The following NFIA variants were observed in gnomAD, a reference collection of about 807,000 sequenced individuals.
NFIA encodes the protein nuclear factor 1 A-type.
A neutral mutation model predicts 62.8 loss-of-function variants in NFIA; 8 were observed. The observed-to-expected ratio is 0.13, with a 90% CI of 0.07 to 0.23. The LOEUF (loss-of-function observed/expected upper bound fraction) is 0.23, where lower values mean the gene tolerates loss of function less well. NFIA is among the 10% of genes least tolerant of loss of function. The probability of loss-of-function intolerance (pLI) is 1.00; values close to 1 mark genes in which losing one functional copy is unlikely to be tolerated. For missense variants in NFIA, 410 were observed against 642.1 expected (o/e 0.64, Z 3.91); for synonymous variants, 235 against 238.1 (o/e 0.99, Z 0.12).
At chr1:61,255,841 G>A (rs558727529) in intron 2 of NFIA, among the ~76,000 whole-genome samples, 1 of 152,160 alleles carries the variant, frequency 6.6e-6, no homozygotes, top group East Asian at 1.9e-4. Flanking sequence ...TGAAAACTTC[G>A]GTACTTTGTT....
intron 6 of NFIA, among the ~76,000 whole-genome samples, chr1:61,371,734 C>A (rs977404282): frequency 2.6e-5 from 4 of 152,044 alleles, no homozygotes; most frequent in Non-Finnish European, 5.9e-5. Flanking sequence ...TGGCAATTGT[C>A]ATTTGAGAGT....
intron 6 of NFIA, among the ~76,000 whole-genome samples, chr1:61,378,978 G>C (rs1382685333): frequency 6.6e-6 from 1 of 152,188 alleles, no homozygotes; most frequent in Non-Finnish European, 1.5e-5. Context: ...CCCTGATTAG[G>C]TCAGGCCCTC....
chr1:61,287,133 A>G (rs1174715197), intron 3 of NFIA, among the ~76,000 whole-genome samples: 1 of 152,136 alleles, frequency 6.6e-6, no homozygotes, highest in Non-Finnish European at 1.5e-5. Flanking sequence ...GGTACAGTAG[A>G]TATGTCCTGA....
At chr1:61,129,059 A>G (rs879784367) in intron 2 of NFIA, among the ~76,000 whole-genome samples, 8 of 149,630 alleles carry the variant, frequency 5.3e-5, no homozygotes, top group Non-Finnish European at 3.0e-5. Flanking sequence ...AGTAGCTGGG[A>G]CTACAGACGC....
At chr1:61,426,414 G>A in intron 9 of NFIA, 51 bp from the exon 10 acceptor site, 1 of 1,219,394 alleles carries the variant, frequency 8.2e-7, no homozygotes, top group South Asian at 1.3e-5. Flanking sequence ...TGTTGTTTGT[G>A]TGTGCAATCT....
intron 3 of NFIA, among the ~76,000 whole-genome samples, chr1:61,309,994 T>C (rs1213477605): frequency 6.6e-6 from 1 of 152,364 alleles, no homozygotes; most frequent in East Asian, 1.9e-4. Context: ...AACTTTTTAA[T>C]AAAATGGAAG....
chr1:61,203,648 C>T (rs2100593322), intron 2 of NFIA, among the ~76,000 whole-genome samples: 1 of 152,138 alleles, frequency 6.6e-6, no homozygotes, highest in South Asian at 2.1e-4. Flanking sequence ...TTTCTGTTGC[C>T]ATGTAGTGGT....
intron 2 of NFIA, among the ~76,000 whole-genome samples, chr1:61,172,854 A>G (rs1400105943): frequency 6.6e-6 from 1 of 152,238 alleles, no homozygotes; most frequent in Non-Finnish European, 1.5e-5. Flanking sequence ...TCGACAATCT[A>G]GCTACACAGG....
chr1:61,397,321 T>G (rs1264785119), intron 7 of NFIA, among the ~76,000 whole-genome samples: 1 of 152,206 alleles, frequency 6.6e-6, no homozygotes, highest in Non-Finnish European at 1.5e-5. Context: ...ACTTTTCATT[T>G]TGTTGTTTGT....
At chr1:61,284,786 C>T (rs190458671) in intron 3 of NFIA, among the ~76,000 whole-genome samples, 65 of 152,166 alleles carry the variant, frequency 4.3e-4, no homozygotes, top group African/African-American at 1.5e-3. Flanking sequence ...CTTCCCCTCC[C>T]CACTCCCCCC....
At chr1:61,082,367 AC>A (rs1225015901), upstream of NFIA, 5 of 510,710 alleles carry the variant, frequency 9.8e-6, no homozygotes, top group Non-Finnish European at 1.2e-5. Context: ...CCTCCCCCAC[AC>A]CCCCTCCCCC....
intron 4 of NFIA, among the ~76,000 whole-genome samples, chr1:61,344,864 C>G (rs1662130247): frequency 6.6e-6 from 1 of 152,222 alleles, no homozygotes; most frequent in Non-Finnish European, 1.5e-5. Context: ...CCATCATCCT[C>G]TCTTTCCAAC....
At chr1:61,368,121 T>G (rs1398905627) in intron 6 of NFIA, among the ~76,000 whole-genome samples, 1 of 152,242 alleles carries the variant, frequency 6.6e-6, no homozygotes, top group African/African-American at 2.4e-5. Context: ...CAGCTGGTCT[T>G]GTCTGAATAA....
At chr1:61,435,554 A>T (rs549593343) in intron 10 of NFIA, among the ~76,000 whole-genome samples, 1 of 152,110 alleles carries the variant, frequency 6.6e-6, no homozygotes, top group African/African-American at 2.4e-5. Flanking sequence ...TAGTCATATC[A>T]TACCTTATTT....
intron 2 of NFIA, among the ~76,000 whole-genome samples, chr1:61,144,887 A>G (rs1211494446): frequency 2.0e-5 from 3 of 148,584 alleles, no homozygotes; most frequent in Non-Finnish European, 4.4e-5. Flanking sequence ...TTAGCAGAAG[A>G]AAAAAGAATA....
intron 6 of NFIA, among the ~76,000 whole-genome samples, chr1:61,373,463 AGGAACACT>A: frequency 6.6e-6 from 1 of 152,250 alleles, no homozygotes; most frequent in Non-Finnish European, 1.5e-5. Context: ...CTTGTATCCA[AGGAACACT>A]GGAATTAATA....
intron 7 of NFIA, among the ~76,000 whole-genome samples, chr1:61,385,246 A>AG (rs1553180582): frequency 1.3e-5 from 2 of 151,740 alleles, no homozygotes; most frequent in Non-Finnish European, 2.9e-5. Context: ...CAAAAAAAAA[A>AG]GAGACTTCAA....
At chr1:61,170,870 CTT>C (rs1649916057) in intron 2 of NFIA, among the ~76,000 whole-genome samples, 1 of 151,954 alleles carries the variant, frequency 6.6e-6, no homozygotes, top group African/African-American at 2.4e-5. Context: ...AAGAAGCAGA[CTT>C]TGTTGTTGTT....
chr1:61,283,105 C>T (rs1459828694), intron 3 of NFIA, among the ~76,000 whole-genome samples: 2 of 152,128 alleles, frequency 1.3e-5, no homozygotes, highest in East Asian at 1.9e-4. Flanking sequence ...TCATTTATGT[C>T]GTTCACATCC....
Sources: gnomAD v4.1 joint callset for allele counts (sites outside exome capture counted in the v4.1 genomes callset) on GRCh38, gnomAD v4.1.1 for gene constraint, MANE v1.5 for transcripts, NCBI Gene and HGNC (gene_info 2026-07-23, HGNC 2026-07-21) for gene names.